Variants in HS6ST3 observed in about 807,000 individuals in gnomAD.
HS6ST3 encodes heparan sulfate 6-O-sulfotransferase 3.
Under a neutral mutation model 36.7 loss-of-function variants are expected in HS6ST3, and 12 were observed. The observed-to-expected ratio is 0.33, with a 90% CI of 0.21 to 0.53. HS6ST3 has a LOEUF of 0.53. Among genes scored for constraint, HS6ST3 ranks in the 20% least tolerant of loss-of-function variants. HS6ST3 has a pLI of 0.95. For missense variants in HS6ST3, 584 were observed against 640.9 expected, an observed-to-expected ratio of 0.91 and a Z score of 0.96; for synonymous variants, 240 against 257.5, an observed-to-expected ratio of 0.93 and a Z score of 0.65.
At chr13:96,402,857 A>G (rs1301537052) in intron 1 of HS6ST3, among the ~76,000 whole-genome samples, 1 of 152,234 alleles carries the variant, frequency 6.6e-6, no homozygotes, top group Non-Finnish European at 1.5e-5. Context: ...GCTTTTATGA[A>G]GAAAATTGCA....
chr13:96,548,577 A>AATCT (rs1316673011), intron 1 of HS6ST3, among the ~76,000 whole-genome samples: 2 of 152,080 alleles, frequency 1.3e-5, no homozygotes, highest in Non-Finnish European at 2.9e-5. Flanking sequence ...TGTAGGTATG[A>AATCT]ATCTATCTAT....
intron 1 of HS6ST3, among the ~76,000 whole-genome samples, chr13:96,624,641 C>G (rs1310813664): frequency 6.6e-6 from 1 of 151,916 alleles, no homozygotes; most frequent in Non-Finnish European, 1.5e-5. Context: ...ACTGTTCCAT[C>G]TTTATATCTA....
At chr13:96,471,625 A>T (rs1181838856) in intron 1 of HS6ST3, among the ~76,000 whole-genome samples, 1 of 152,206 alleles carries the variant, frequency 6.6e-6, no homozygotes, top group Non-Finnish European at 1.5e-5. Flanking sequence ...TTTACAAGAC[A>T]GTGAGTTTAT....
intron 1 of HS6ST3, among the ~76,000 whole-genome samples, chr13:96,228,218 G>C (rs1430988263): frequency 6.6e-6 from 1 of 152,116 alleles, no homozygotes; most frequent in Non-Finnish European, 1.5e-5. Flanking sequence ...CATTATTTAT[G>C]GCTATCAAAA....
chr13:96,554,879 T>C (rs1258001743), intron 1 of HS6ST3, among the ~76,000 whole-genome samples: 2 of 151,780 alleles, frequency 1.3e-5, no homozygotes, highest in African/African-American at 2.4e-5. Context: ...GACCAACTCC[T>C]GGGCTCAAGT....
chr13:96,547,321 C>G (rs1384941791), intron 1 of HS6ST3, among the ~76,000 whole-genome samples: 1 of 152,134 alleles, frequency 6.6e-6, no homozygotes, highest in Non-Finnish European at 1.5e-5. Context: ...TAGCTCAAGG[C>G]AATCCATCAA....
rs567476945 is a variant in HS6ST3, at chr13:96,540,258, G to A, written c.708-292232G>A. On this transcript the variant is annotated intron_variant, in intron 1 of 1. Transcript: ENST00000376705. Reference sequence around the variant, plus strand: ...TCTGCCCAGTCACTTCCTAATAAATGTTTTATATTTATTTCTTGTAAGCTA... The same window carrying A: ...TCTGCCCAGTCACTTCCTAATAAATATTTTATATTTATTTCTTGTAAGCTA... Among the ~76,000 whole-genome samples the A allele has an allele frequency of 2.0e-5, 3 of 152,214 alleles. No individual in the cohort carries two copies. In the South Asian group the frequency reaches 6.2e-4, roughly 32 times the overall value.
intron 1 of HS6ST3, among the ~76,000 whole-genome samples, chr13:96,493,573 T>A (rs1038011565): frequency 6.6e-6 from 1 of 152,198 alleles, no homozygotes; most frequent in Non-Finnish European, 1.5e-5. Flanking sequence ...TCTGTTAAAA[T>A]AAATTAATAT....
At chr13:96,166,575 C>CTTTTTTTTTTTTTT (rs765190619) in intron 1 of HS6ST3, among the ~76,000 whole-genome samples, 2 of 131,590 alleles carry the variant, frequency 1.5e-5, no homozygotes, top group African/African-American at 2.8e-5. Flanking sequence ...TTCTTTCTTT[C>CTTTTTTTTTTTTTT]TTTTTTTTTT....
intron 1 of HS6ST3, among the ~76,000 whole-genome samples, chr13:96,226,835 T>C (rs1197349556): frequency 6.6e-6 from 1 of 152,212 alleles, no homozygotes; most frequent in East Asian, 1.9e-4. Context: ...GAATCTTTTG[T>C]CAAGTACAAG....
intron 1 of HS6ST3, among the ~76,000 whole-genome samples, chr13:96,174,285 G>A (rs1032008400): frequency 2.2e-4 from 33 of 151,990 alleles, no homozygotes; most frequent in African/African-American, 8.0e-4. Context: ...TATATAATGC[G>A]TTATATGTTT....
chr13:96,223,404 T>G (rs1258468252), intron 1 of HS6ST3, among the ~76,000 whole-genome samples: 1 of 152,214 alleles, frequency 6.6e-6, no homozygotes, highest in African/African-American at 2.4e-5. Flanking sequence ...TCCAATGCCC[T>G]TTGCAATGTG....
At chr13:96,671,943 G>A (rs1459514186) in intron 1 of HS6ST3, among the ~76,000 whole-genome samples, 2 of 152,042 alleles carry the variant, frequency 1.3e-5, no homozygotes, top group Non-Finnish European at 2.9e-5. Context: ...CAAAATAGTG[G>A]TTTTAAAAGT....
At chr13:96,285,905 C>CTCTCTCCCTCTTTCCCTCTT (rs2054799658) in intron 1 of HS6ST3, among the ~76,000 whole-genome samples, 1 of 150,718 alleles carries the variant, frequency 6.6e-6, no homozygotes, top group African/African-American at 2.5e-5. Context: ...CTTTCCCTCT[C>CTCTCTCCCTCTTTCCCTCTT]TCTCTCCCCC....
intron 1 of HS6ST3, among the ~76,000 whole-genome samples, chr13:96,242,460 C>G (rs2054565461): frequency 6.6e-6 from 1 of 152,102 alleles, no homozygotes; most frequent in African/African-American, 2.4e-5. Flanking sequence ...CCCAAGTGAT[C>G]TGCCCACCTT....
chr13:96,653,016 A>G (rs752314792), intron 1 of HS6ST3, among the ~76,000 whole-genome samples: 1 of 152,022 alleles, frequency 6.6e-6, no homozygotes, highest in African/African-American at 2.4e-5. Flanking sequence ...AGAAATGATC[A>G]TTTTAAAAAA....
At chr13:96,200,409 C>G (rs927663628) in intron 1 of HS6ST3, among the ~76,000 whole-genome samples, 1 of 152,140 alleles carries the variant, frequency 6.6e-6, no homozygotes, top group Non-Finnish European at 1.5e-5. Context: ...CTGGCAGTTC[C>G]CTCTGCCTGG....
intron 1 of HS6ST3, among the ~76,000 whole-genome samples, chr13:96,139,020 G>C (rs1469981626): frequency 6.6e-6 from 1 of 151,948 alleles, no homozygotes; most frequent in Non-Finnish European, 1.5e-5. Flanking sequence ...AGAAAAAAAA[G>C]TAAAGCAAGC....
rs750433338 is a variant in HS6ST3 at position 96,832,493 on chromosome 13, T to C, written c.711T>C (p.Asn237=). 5.2e-6 allele frequency: 8 copies of C among 1,546,042 alleles called. No individual in the cohort carries two copies. In the African/African-American group the frequency reaches 9.7e-5, roughly 19 times the overall value. The change falls in exon 2 of 2, where the codon AAT becomes AAC. Residue 237 remains asparagine, a synonymous_variant. Coordinates refer to ENST00000376705, the MANE Select transcript of HS6ST3 (RefSeq NM_153456.4). ...DCPRNHSHTR[N]FYYITMLRDP... is the part of the protein sequence containing the mutation. ...CTCTTCCTCTAATTTCTTCTAGGAATTTCTATTACATCACAATGTTACGGG... is the reference window on the plus strand; with the variant it reads ...CTCTTCCTCTAATTTCTTCTAGGAACTTCTATTACATCACAATGTTACGGG...
Sources: allele counts gnomAD v4.1 joint callset (sites outside exome capture counted in the v4.1 genomes callset), GRCh38; gene constraint gnomAD v4.1.1; transcripts MANE v1.5; gene names NCBI Gene and HGNC (gene_info 2026-07-23, HGNC 2026-07-21).